The following NUAK1 variants were observed in gnomAD, a reference collection of about 807,000 sequenced individuals.
NUAK1 encodes NUAK family kinase 1, also known as NUAK family SNF1-like kinase 1.
NUAK1 carries 26 observed loss-of-function variants against 56.9 expected under a neutral mutation model. The observed-to-expected ratio is 0.46, with a 90% CI of 0.33 to 0.63. The LOEUF is 0.63. Among genes scored for constraint, NUAK1 ranks in the 30% least tolerant of loss-of-function variants. The probability of loss-of-function intolerance (pLI) is 0.02; values close to 1 mark genes in which losing one functional copy is unlikely to be tolerated. For missense variants in NUAK1, 727 were observed against 876.1 expected, an observed-to-expected ratio of 0.83 and a Z score of 2.15; for synonymous variants, 337 against 336.0, an observed-to-expected ratio of 1.00 and a Z score of -0.03.
chr12:106,079,889 A>G (rs1336790992), intron 4 of NUAK1, among the ~76,000 whole-genome samples: 1 of 152,226 alleles, frequency 6.6e-6, no homozygotes, highest in Non-Finnish European at 1.5e-5. Flanking sequence ...AAATTTGGCC[A>G]TCTAGTTCAC....
intron 2 of NUAK1, among the ~76,000 whole-genome samples, chr12:106,090,220 G>A (rs1032050237): frequency 2.6e-5 from 4 of 152,136 alleles, no homozygotes; most frequent in East Asian, 1.9e-4. Context: ...AGAACTGTCC[G>A]AGCAGCCAGG....
chr12:106,075,318 C>G (rs79459440), intron 4 of NUAK1, among the ~76,000 whole-genome samples: 5,282 of 146,742 alleles, frequency 0.036, 109 homozygotes, highest in Non-Finnish European at 0.045. Context: ...CACACACACA[C>G]AGAGAGAGAG....
chr12:106,126,472 C>G (rs982192869), intron 1 of NUAK1, among the ~76,000 whole-genome samples: 4 of 152,204 alleles, frequency 2.6e-5, no homozygotes, highest in Non-Finnish European at 4.4e-5. Context: ...AAGTTACAAA[C>G]AGTGGGGCCC....
At position 106,120,555 on chromosome 12, in the gene NUAK1, G is replaced by A. The variant is rs1181701475; in HGVS notation, c.241-14030C>T. On this transcript the variant is annotated intron_variant, in intron 1 of 6. Transcript: ENST00000261402. ...GGGGGCTGGGAGAAAAGGAGCAGCT[G>A]TCGCCTCTTCTGAGAAGCCATCTCA... is the stretch of plus-strand genomic sequence containing the variant. Among the ~76,000 whole-genome samples the A allele has an allele frequency of 2.0e-5, 3 of 152,194 alleles. No individual in the cohort carries two copies. In the East Asian group the frequency reaches 5.8e-4, roughly 29 times the overall value.
At chr12:106,120,102 G>A (rs1245624345) in intron 1 of NUAK1, among the ~76,000 whole-genome samples, 1 of 152,046 alleles carries the variant, frequency 6.6e-6, no homozygotes, top group African/African-American at 2.4e-5. Context: ...GAACACTAGG[G>A]GCTGTTGGGC....
At chr12:106,136,850 AGTGCAC>A (rs753448335) in intron 1 of NUAK1, among the ~76,000 whole-genome samples, 5 of 152,192 alleles carry the variant, frequency 3.3e-5, no homozygotes, top group Non-Finnish European at 7.3e-5. Context: ...GCATGAATGA[AGTGCAC>A]GTTTCCCAGC....
At chr12:106,098,574 GA>G (rs893959710) in intron 2 of NUAK1, among the ~76,000 whole-genome samples, 2 of 152,144 alleles carry the variant, frequency 1.3e-5, no homozygotes, top group African/African-American at 2.4e-5. Context: ...ACAATGCAAA[GA>G]ACCCATAAAG....
chr12:106,122,927 T>C (rs2032992409), intron 1 of NUAK1, among the ~76,000 whole-genome samples: 1 of 152,220 alleles, frequency 6.6e-6, no homozygotes, highest in Admixed American at 6.5e-5. Context: ...AGGATCTGTT[T>C]GTTTGCTCAT....
chr12:106,075,859 G>A (rs1053604538), intron 4 of NUAK1, among the ~76,000 whole-genome samples: 1 of 152,204 alleles, frequency 6.6e-6, no homozygotes, highest in African/African-American at 2.4e-5. Context: ...AAGAGACCAG[G>A]CCTCCGGCCT....
intron 1 of NUAK1, among the ~76,000 whole-genome samples, chr12:106,121,475 C>T (rs972769610): frequency 1.3e-5 from 2 of 152,170 alleles, no homozygotes; most frequent in Non-Finnish European, 2.9e-5. Context: ...GGAGGCTGGG[C>T]GTGGTAGCCC....
chr12:106,112,819 T>C (rs12297212), intron 1 of NUAK1, among the ~76,000 whole-genome samples: 43,116 of 152,088 alleles, frequency 0.28, 11,270 homozygotes, highest in African/African-American at 0.7. Flanking sequence ...AGCTAGGAGC[T>C]TTTCCTTCAA....
intron 2 of NUAK1, among the ~76,000 whole-genome samples, chr12:106,095,245 C>A (rs1159846686): frequency 3.9e-5 from 6 of 152,220 alleles, no homozygotes; most frequent in Non-Finnish European, 8.8e-5. Context: ...TCACAACTAC[C>A]CCCAGAAAGA....
At chr12:106,094,058 C>T (rs1412177860) in intron 2 of NUAK1, among the ~76,000 whole-genome samples, 2 of 152,124 alleles carry the variant, frequency 1.3e-5, no homozygotes, top group African/African-American at 4.8e-5. Context: ...ATCCGCCCAC[C>T]TCAGCCTCCC....
chr12:106,133,952 C>T (rs564929055), intron 1 of NUAK1, among the ~76,000 whole-genome samples: 22 of 152,264 alleles, frequency 1.4e-4, no homozygotes, highest in African/African-American at 3.6e-4. Context: ...AAATCTTCAT[C>T]GAACTGAACA....
intron 3 of NUAK1, among the ~76,000 whole-genome samples, chr12:106,086,158 G>C (rs1343105160): frequency 6.6e-6 from 1 of 152,092 alleles, no homozygotes; most frequent in Non-Finnish European, 1.5e-5. Context: ...CATATATAAA[G>C]ATACTGATCA....
At chr12:106,084,358 T>C (rs1181689402) in intron 3 of NUAK1, among the ~76,000 whole-genome samples, 1 of 152,232 alleles carries the variant, frequency 6.6e-6, no homozygotes, top group African/African-American at 2.4e-5. Context: ...ACTCCTCATC[T>C]GTCTGTCTGT....
intron 1 of NUAK1, among the ~76,000 whole-genome samples, chr12:106,112,243 C>A (rs2032867251): frequency 6.6e-6 from 1 of 152,130 alleles, no homozygotes; most frequent in South Asian, 2.1e-4. Flanking sequence ...AAGGTGTGAT[C>A]TCATACCCAG....
intron 2 of NUAK1, among the ~76,000 whole-genome samples, chr12:106,105,145 G>T (rs951557669): frequency 3.9e-5 from 6 of 151,960 alleles, no homozygotes; most frequent in African/African-American, 1.5e-4. Flanking sequence ...GTAGAGACGG[G>T]TTTCACCATG....
intron 1 of NUAK1, among the ~76,000 whole-genome samples, chr12:106,111,029 G>A (rs1299274482): frequency 6.6e-6 from 1 of 152,138 alleles, no homozygotes; most frequent in South Asian, 2.1e-4. Flanking sequence ...GGAAGGGCTG[G>A]GGGATGCAGA....
Sources: gnomAD v4.1 joint callset for allele counts (sites outside exome capture counted in the v4.1 genomes callset) on GRCh38, gnomAD v4.1.1 for gene constraint, MANE v1.5 for transcripts, NCBI Gene and HGNC (gene_info 2026-07-23, HGNC 2026-07-21) for gene names.